Variants in IRAK2 observed in about 807,000 individuals in gnomAD.
IRAK2 encodes the protein interleukin 1 receptor associated kinase 2, also known as interleukin-1 receptor-associated kinase-like 2.
IRAK2 carries 57 observed loss-of-function variants against 72.0 expected under a neutral mutation model. The ratio of observed to expected loss-of-function variants is 0.79; its 90% confidence interval spans 0.64 to 0.99. The LOEUF is 0.99. IRAK2 is among the 50% of genes least tolerant of loss of function. The pLI is 0.00. For missense variants in IRAK2, 790 were observed against 794.4 expected (o/e 0.99, Z 0.07); for synonymous variants, 293 against 312.7 (o/e 0.94, Z 0.67).
chr3:10,208,782 A>T (rs978511200), intron 3 of IRAK2, among the ~76,000 whole-genome samples: 5 of 151,882 alleles, frequency 3.3e-5, no homozygotes, highest in African/African-American at 4.8e-5. Context: ...AAAGAAAAAA[A>T]ATCTTTTGTA....
At chr3:10,234,943 C>T (rs938408739) in intron 11 of IRAK2, among the ~76,000 whole-genome samples, 13 of 152,208 alleles carry the variant, frequency 8.5e-5, no homozygotes, top group African/African-American at 2.7e-4. Context: ...TCTCTATAGG[C>T]CCCTTCCCCT....
intron 2 of IRAK2, among the ~76,000 whole-genome samples, chr3:10,193,044 T>TG (rs1037642783): frequency 6.6e-6 from 1 of 152,194 alleles, no homozygotes; most frequent in Non-Finnish European, 1.5e-5. Flanking sequence ...ATCCCCCTGC[T>TG]GGTGAGCCTG....
chr3:10,209,531 G>A, intron 3 of IRAK2, 58 bp from the exon 4 acceptor site: 1 of 1,145,206 alleles, frequency 8.7e-7, no homozygotes, highest in Non-Finnish European at 1.2e-6. Flanking sequence ...ACTAGACCAG[G>A]ATCCCTCCTG....
chr3:10,241,742 A>C (rs1384850744), intron 12 of IRAK2, among the ~76,000 whole-genome samples: 2 of 148,394 alleles, frequency 1.3e-5, no homozygotes, highest in African/African-American at 5.0e-5. Context: ...CTCTACTAAA[A>C]CACAAAAAAA....
At position 10,238,779 on chromosome 3, in the gene IRAK2, G is replaced by A. The variant is rs764921288; in HGVS notation, c.1505G>A (p.Arg502Gln). The A allele has an allele frequency of 6.8e-6, 11 of 1,614,004 alleles. No homozygotes were observed. The highest frequency in any genetic ancestry group is 6.7e-5 in the Admixed American group (4 of 60,002). ...VCGSVAAVEE[R>Q]LRGRETLLPW... is the part of the protein sequence containing the mutation. ...GGCTCTGTGGCTGCTGTGGAAGAGC[G>A]GCTCCGAGGTCGGGAGACGTTGCTC... Residue 502 changes from arginine to glutamine, a missense_variant, in exon 12 of 13, where the codon CGG becomes CAG. Physicochemically the swap from Arg to Gln is conservative, Grantham distance 43. Transcript: ENST00000256458.
intron 9 of IRAK2, among the ~76,000 whole-genome samples, chr3:10,225,946 A>AC (rs1365386176): frequency 1.3e-5 from 2 of 151,892 alleles, no homozygotes; most frequent in African/African-American, 4.8e-5. Context: ...TGATCCGCCC[A>AC]CCTCAGCCTC....
chr3:10,166,064 C>T (rs893395509), intron 1 of IRAK2, among the ~76,000 whole-genome samples: 3 of 151,984 alleles, frequency 2.0e-5, no homozygotes, highest in African/African-American at 4.8e-5. Flanking sequence ...CCACCTGCTT[C>T]GGCCTCCCAA....
At chr3:10,216,084 C>T (rs6442161) in intron 6 of IRAK2, among the ~76,000 whole-genome samples, 52,988 of 152,050 alleles carry the variant, frequency 0.35, 9,523 homozygotes, top group Admixed American at 0.41. Flanking sequence ...CCATTTACAG[C>T]AGTCTTGGGG....
At chr3:10,197,831 G>A (rs1374188768) in intron 2 of IRAK2, among the ~76,000 whole-genome samples, 3 of 148,634 alleles carry the variant, frequency 2.0e-5, no homozygotes, top group South Asian at 2.1e-4. Context: ...TAGCCTGGGC[G>A]ACAGAGTGAG....
chr3:10,168,506 G>A (rs916687585), intron 1 of IRAK2, among the ~76,000 whole-genome samples: 2 of 152,222 alleles, frequency 1.3e-5, no homozygotes, highest in South Asian at 2.1e-4. Flanking sequence ...CACCATGTCC[G>A]GCCTTATTGT....
intron 3 of IRAK2, among the ~76,000 whole-genome samples, chr3:10,207,519 C>T (rs114607711): frequency 6.6e-6 from 1 of 151,256 alleles, no homozygotes; most frequent in African/African-American, 2.4e-5. Flanking sequence ...ACCTCACCCA[C>T]GGTCTGTGCC....
intron 8 of IRAK2, among the ~76,000 whole-genome samples, chr3:10,221,638 C>T (rs1479254237): frequency 6.6e-6 from 1 of 151,568 alleles, no homozygotes; most frequent in African/African-American, 2.4e-5. Flanking sequence ...CGCAGCTTCC[C>T]ACCTTAGCCT....
chr3:10,179,509 T>C (rs1696929856), intron 2 of IRAK2, among the ~76,000 whole-genome samples: 1 of 151,332 alleles, frequency 6.6e-6, no homozygotes, highest in African/African-American at 2.4e-5. Flanking sequence ...TCTCGGCTCA[T>C]TGCAGCCTCT....
chr3:10,227,803 G>C (rs1697803557), intron 10 of IRAK2, among the ~76,000 whole-genome samples: 1 of 151,782 alleles, frequency 6.6e-6, no homozygotes, highest in African/African-American at 2.4e-5. Flanking sequence ...CGAGCAGCTG[G>C]GACTACAGGC....
At chr3:10,211,830 C>A (rs1697526232) in intron 4 of IRAK2, among the ~76,000 whole-genome samples, 1 of 152,118 alleles carries the variant, frequency 6.6e-6, no homozygotes, top group South Asian at 2.1e-4. Context: ...GTAATCCCAG[C>A]ACTTTGGGAG....
intron 2 of IRAK2, among the ~76,000 whole-genome samples, chr3:10,181,147 CTCAGAGTGGAGAGGG>C (rs1696953134): frequency 6.6e-6 from 1 of 152,140 alleles, no homozygotes; most frequent in Non-Finnish European, 1.5e-5. Context: ...CACCTTCCTC[CTCAGAGTGGAGAGGG>C]TCAGCTAGCT....
chr3:10,242,009 A>G (rs1698068213), intron 12 of IRAK2, 107 bp from the exon 13 acceptor site: 4 of 581,606 alleles, frequency 6.9e-6, no homozygotes, highest in South Asian at 4.8e-5. Flanking sequence ...AGAAATGCTC[A>G]TTACACTCAG....
chr3:10,167,048 A>G lies in IRAK2; in HGVS notation c.94+2000A>G, dbSNP rs184279717. ...CCAGCCCTCAGTTACAAATGCCAGA[A>G]CAACTTCTGTTTCTAGGAAATTCAA... On this transcript the variant is annotated intron_variant, in intron 1 of 12. Coordinates refer to ENST00000256458, the MANE Select transcript of IRAK2 (RefSeq NM_001570.4). 1.6e-4 allele frequency among the ~76,000 whole-genome samples: 25 copies of G among 152,322 alleles called. No individual in the cohort carries two copies. In the East Asian group the frequency reaches 4.8e-3, roughly 29 times the overall value.
chr3:10,238,276 TCTCTCTGTCTGTGG>T (rs1304977303), intron 11 of IRAK2, among the ~76,000 whole-genome samples: 1 of 152,108 alleles, frequency 6.6e-6, no homozygotes, highest in East Asian at 1.9e-4. Flanking sequence ...AGCCATTGTG[TCTCTCTGTCTGTGG>T]CTCTCTCTTC....
Sources: gnomAD v4.1 joint callset for allele counts (sites outside exome capture counted in the v4.1 genomes callset) on GRCh38, gnomAD v4.1.1 for gene constraint, MANE v1.5 for transcripts, NCBI Gene and HGNC (gene_info 2026-07-23, HGNC 2026-07-21) for gene names.